The following SOX6 variants were observed in gnomAD, a reference collection of about 807,000 sequenced individuals.
The protein encoded by SOX6 is transcription factor SOX-6.
A neutral mutation model predicts 97.8 loss-of-function variants in SOX6; 11 were observed. That is an observed-to-expected ratio of 0.11 (90% CI 0.07 to 0.19). SOX6 has a LOEUF of 0.19. Ranked by LOEUF, SOX6 falls within the 10% of genes least tolerant of loss-of-function variation. SOX6 has a pLI of 1.00. For synonymous variants in SOX6, 360 were observed against 371.4 expected (o/e 0.97, Z 0.35); for missense variants, 810 against 1,039.5 (o/e 0.78, Z 3.04).
chr11:16,677,655 T>C (rs573667691), intron 3 of SOX6, among the ~76,000 whole-genome samples: 1 of 152,344 alleles, frequency 6.6e-6, no homozygotes, highest in East Asian at 1.9e-4. Flanking sequence ...TAAGGAGTAT[T>C]GATCTGTGAG....
intron 1 of SOX6, among the ~76,000 whole-genome samples, chr11:16,353,533 A>C (rs1377480114): frequency 1.3e-5 from 2 of 152,048 alleles, no homozygotes; most frequent in Non-Finnish European, 1.5e-5. Flanking sequence ...ACAAATAACT[A>C]AAGTGCTGCT....
intron 1 of SOX6, among the ~76,000 whole-genome samples, chr11:16,427,377 T>C (rs1859166176): frequency 1.3e-5 from 2 of 151,378 alleles, no homozygotes; most frequent in Non-Finnish European, 1.5e-5. Context: ...ATGTGCACAA[T>C]GTGCAGGTTT....
chr11:16,069,991 T>C (rs918104803), intron 9 of SOX6, among the ~76,000 whole-genome samples: 1 of 151,884 alleles, frequency 6.6e-6, no homozygotes. Flanking sequence ...CCGTCTCTAC[T>C]AAAAATATAA....
At chr11:15,979,069 C>G (rs1333868795) in intron 15 of SOX6, among the ~76,000 whole-genome samples, 1 of 61,448 alleles carries the variant, frequency 1.6e-5, no homozygotes, top group African/African-American at 6.1e-5. Flanking sequence ...ATATATAAAA[C>G]TGCTTATTTG....
At chr11:16,141,049 A>G (rs1390433576) in intron 6 of SOX6, among the ~76,000 whole-genome samples, 1 of 151,650 alleles carries the variant, frequency 6.6e-6, no homozygotes, top group Non-Finnish European at 1.5e-5. Flanking sequence ...GGTGGGCAGG[A>G]GTTGCAGTGA....
At chr11:16,723,895 A>G (rs1564878024) in intron 2 of SOX6, among the ~76,000 whole-genome samples, 4 of 152,244 alleles carry the variant, frequency 2.6e-5, no homozygotes, top group Non-Finnish European at 5.9e-5. Flanking sequence ...AATCCAAATC[A>G]CAGAAGCATA....
At chr11:16,179,514 T>C (rs1292770031) in intron 6 of SOX6, among the ~76,000 whole-genome samples, 3 of 151,874 alleles carry the variant, frequency 2.0e-5, no homozygotes, top group African/African-American at 7.2e-5. Flanking sequence ...AAGAAAAAGT[T>C]TTCAGATAAG....
In SOX6 at chr11:16,728,547, C is replaced by T. The variant is rs1180875660; in HGVS notation, n.353+7792G>A. Among the ~76,000 whole-genome samples, 8 of 152,128 alleles carry T rather than the reference C, an allele frequency of 5.3e-5. No individual in the cohort carries two copies. The South Asian group carries it at 8.3e-4, about 16-fold the overall frequency. On this transcript the variant is annotated intron_variant and non_coding_transcript_variant, in intron 2 of 5. Transcript: ENST00000524520. ...GGAATAGCATCAACATCAACGGAAA[C>T]GACGTCCACACAGAAACCCAATCCG...
intron 11 of SOX6, among the ~76,000 whole-genome samples, chr11:16,049,074 C>G (rs1036793521): frequency 4.6e-5 from 7 of 152,080 alleles, no homozygotes; most frequent in African/African-American, 1.7e-4. Flanking sequence ...AACCTATGAG[C>G]TAGTAATACT....
chr11:16,689,376 C>T (rs1002623322), intron 3 of SOX6, among the ~76,000 whole-genome samples: 2 of 152,196 alleles, frequency 1.3e-5, no homozygotes, highest in Non-Finnish European at 2.9e-5. Flanking sequence ...AGCCTGAAAA[C>T]TCTCTCAAGG....
chr11:16,369,944 G>A (rs1207908023), intron 1 of SOX6, among the ~76,000 whole-genome samples: 1 of 152,106 alleles, frequency 6.6e-6, no homozygotes, highest in Non-Finnish European at 1.5e-5. Context: ...AGACATTTAT[G>A]GCTGCACCAT....
chr11:16,441,780 C>T (rs925786404), intron 1 of SOX6, among the ~76,000 whole-genome samples: 6 of 152,314 alleles, frequency 3.9e-5, no homozygotes, highest in Non-Finnish European at 7.4e-5. Context: ...TTAATCTCCA[C>T]ATAGTCCCCT....
At chr11:16,081,354 T>C (rs1324173108) in intron 9 of SOX6, among the ~76,000 whole-genome samples, 2 of 152,128 alleles carry the variant, frequency 1.3e-5, no homozygotes, top group Non-Finnish European at 2.9e-5. Context: ...GCTCTTCATG[T>C]AGGGAACAAG....
chr11:16,585,253 CCTTA>C (rs1174286171), intron 4 of SOX6, among the ~76,000 whole-genome samples: 4 of 152,132 alleles, frequency 2.6e-5, no homozygotes, highest in African/African-American at 7.2e-5. Context: ...ATAATGTACT[CCTTA>C]CTTTGGGCCA....
intron 6 of SOX6, among the ~76,000 whole-genome samples, chr11:16,152,799 G>A (rs556891018): frequency 6.6e-5 from 10 of 150,876 alleles, no homozygotes; most frequent in African/African-American, 1.7e-4. Flanking sequence ...TCACTCTATC[G>A]CCCAGGCGAT....
At chr11:16,727,289 G>GGT (rs1848313576) in intron 2 of SOX6, among the ~76,000 whole-genome samples, 1 of 92,562 alleles carries the variant, frequency 1.1e-5, no homozygotes, top group African/African-American at 3.9e-5. Context: ...TATTCACCTT[G>GGT]CTTTTTTTTT....
intron 6 of SOX6, among the ~76,000 whole-genome samples, chr11:16,149,669 A>T (rs1277721967): frequency 6.6e-6 from 1 of 152,186 alleles, no homozygotes; most frequent in African/African-American, 2.4e-5. Flanking sequence ...ACTTATGTCA[A>T]TTCCTTTGAC....
In SOX6 at chr11:16,298,110, C is replaced by T. The variant is rs565372614; in HGVS notation, c.445+20336G>A. ...AAACCCTTTGCGTCTTATTTTAAAA[C>T]ATACTAATATACGTTCTTCTGACTG... On this transcript the variant is annotated intron_variant, in intron 3 of 15. Transcript: ENST00000683767. 3.3e-5 allele frequency among the ~76,000 whole-genome samples: 5 copies of T among 152,222 alleles called. No individual in the cohort carries two copies. The South Asian group carries it at 1.0e-3, about 32-fold the overall frequency.
At chr11:16,199,195 T>C (rs1010619150) in intron 4 of SOX6, among the ~76,000 whole-genome samples, 1 of 152,154 alleles carries the variant, frequency 6.6e-6, no homozygotes, top group Non-Finnish European at 1.5e-5. Flanking sequence ...TTGGTAACCA[T>C]TGTAACTAAC....
Sources: allele counts gnomAD v4.1 joint callset (sites outside exome capture counted in the v4.1 genomes callset), GRCh38; gene constraint gnomAD v4.1.1; transcripts MANE v1.5; gene names NCBI Gene and HGNC (gene_info 2026-07-23, HGNC 2026-07-21).